INSL6: variants seen among roughly 807,000 people sequenced by gnomAD.
The protein encoded by INSL6 is insulin like 6.
A neutral mutation model predicts 9.4 loss-of-function variants in INSL6; 16 were observed. That is an observed-to-expected ratio of 1.70 (90% CI 1.15 to 2.59). The LOEUF (loss-of-function observed/expected upper bound fraction) is 2.59. INSL6 is among the 30% of genes most tolerant of loss of function. The pLI is 0.00. For synonymous variants in INSL6, 154 were observed against 96.9 expected, an observed-to-expected ratio of 1.59 and a Z score of -3.46; for missense variants, 391 against 257.3, an observed-to-expected ratio of 1.52 and a Z score of -3.56.
the INSL6 span, among the ~76,000 whole-genome samples, chr9:5,033,042 A>C: frequency 6.6e-6 from 1 of 152,242 alleles, no homozygotes; most frequent in South Asian, 2.1e-4. Context: ...AATGCAGAGA[A>C]GTCCTTAAAG....
chr9:5,138,091 G>T (rs1824421496), intron 2 of INSL6, among the ~76,000 whole-genome samples: 3 of 152,180 alleles, frequency 2.0e-5, no homozygotes, highest in African/African-American at 2.4e-5. Context: ...AACAGATGCT[G>T]GAGAGGATGT....
chr9:5,029,878 A>G, the INSL6 span: 19 of 1,612,670 alleles, frequency 1.2e-5, no homozygotes, highest in Non-Finnish European at 1.4e-5. Flanking sequence ...AGATGAGTCA[A>G]CCAGGCATAA....
chr9:5,013,253 A>G, the INSL6 span, among the ~76,000 whole-genome samples: 2 of 152,222 alleles, frequency 1.3e-5, no homozygotes, highest in Non-Finnish European at 2.9e-5. Flanking sequence ...TTAGAGTACA[A>G]TACAAAATTC....
chr9:5,042,671 G>T, the INSL6 span, among the ~76,000 whole-genome samples: 1 of 152,164 alleles, frequency 6.6e-6, no homozygotes, highest in African/African-American at 2.4e-5. Context: ...CGTTTTCTCA[G>T]TGGGAGGGCA....
At position 5,149,460 on chromosome 9, in the gene INSL6, C is replaced by G. The variant is rs147696118; in HGVS notation, c.376+14719G>C. Among the ~76,000 whole-genome samples, 23 of 152,220 alleles carry G rather than the reference C, an allele frequency of 1.5e-4. 1 individual carries two copies. The East Asian group carries it at 4.3e-3, about 28-fold the overall frequency. On this transcript the variant is annotated intron_variant, in intron 2 of 3. Coordinates refer to the INSL6 transcript ENST00000649639. ...TTTCTATACACCAATAATGATCAAG[C>G]TGAAAACCAAATCAAGAAGGCAATC... is the stretch of plus-strand genomic sequence containing the variant.
At chr9:5,106,391 G>T in the INSL6 span, among the ~76,000 whole-genome samples, 11 of 152,186 alleles carry the variant, frequency 7.2e-5, 1 homozygote, top group Non-Finnish European at 1.0e-4. Context: ...AAAAAGACAG[G>T]AAACAACAGA....
chr9:5,133,853 A>G (rs1824337387), intron 2 of INSL6, among the ~76,000 whole-genome samples: 1 of 151,994 alleles, frequency 6.6e-6, no homozygotes, highest in South Asian at 2.1e-4. Flanking sequence ...AGGTTGATGA[A>G]TTGACAGAAG....
chr9:5,021,650 A>T, the INSL6 span, among the ~76,000 whole-genome samples: 1,295 of 152,292 alleles, frequency 8.5e-3, 17 homozygotes, highest in African/African-American at 0.03. Flanking sequence ...TTTTTGAGAC[A>T]GGGTCTTGCT....
chr9:5,006,775 A>T, the INSL6 span, among the ~76,000 whole-genome samples: 5 of 152,328 alleles, frequency 3.3e-5, no homozygotes, highest in East Asian at 9.6e-4. Context: ...TCTAACACTG[A>T]AGATCATAAT....
At chr9:5,115,561 G>C in the INSL6 span, among the ~76,000 whole-genome samples, 4 of 152,284 alleles carry the variant, frequency 2.6e-5, no homozygotes, top group East Asian at 7.7e-4. Flanking sequence ...CCATTACTGG[G>C]TATATACCCA....
At chr9:5,123,985 G>T (rs1435178967) in exon 4 of INSL6, among the ~76,000 whole-genome samples, 1 of 150,098 alleles carries the variant, frequency 6.7e-6, no homozygotes, top group Non-Finnish European at 1.5e-5. Context: ...TTTTTCATAT[G>T]CCTCTTGTCA....
the INSL6 span, among the ~76,000 whole-genome samples, chr9:5,106,805 A>G: frequency 6.6e-6 from 1 of 152,162 alleles, no homozygotes; most frequent in Non-Finnish European, 1.5e-5. Context: ...AAGGACAGAA[A>G]AGCAAACACT....
chr9:5,149,097 A>T (rs1824660507), intron 2 of INSL6, among the ~76,000 whole-genome samples: 1 of 152,014 alleles, frequency 6.6e-6, no homozygotes, highest in African/African-American at 2.4e-5. Context: ...GCTTGCTTTA[A>T]CTCCATCTCT....
chr9:5,121,801 T>C (rs1823634251), downstream of INSL6, among the ~76,000 whole-genome samples: 2 of 152,060 alleles, frequency 1.3e-5, no homozygotes, highest in African/African-American at 4.8e-5. Flanking sequence ...TACCCTTACA[T>C]AAGTGATAGA....
the INSL6 span, among the ~76,000 whole-genome samples, chr9:5,048,024 ATAGTT>A: frequency 6.6e-6 from 1 of 152,108 alleles, no homozygotes; most frequent in African/African-American, 2.4e-5. Flanking sequence ...TCTCTAGTGA[ATAGTT>A]TATTATGTTT....
the INSL6 span, among the ~76,000 whole-genome samples, chr9:5,113,191 CTTTTTTTTTT>C: frequency 3.5e-4 from 20 of 57,190 alleles, no homozygotes; most frequent in South Asian, 4.9e-3. Flanking sequence ...CTGGCAGGAG[CTTTTTTTTTT>C]TTTTTTTTTT....
the INSL6 span, chr9:5,096,886 T>C: frequency 1.3e-5 from 2 of 152,276 alleles, no homozygotes; most frequent in East Asian, 3.9e-4. Flanking sequence ...ATATCAATTA[T>C]AATTGGGGGT....
chr9:5,164,461 G>A (rs1156993934), intron 1 of INSL6, among the ~76,000 whole-genome samples, 196 bp from the exon 2 acceptor site: 1 of 152,162 alleles, frequency 6.6e-6, no homozygotes. Context: ...AAGGCTGTAC[G>A]CCTTTGTACA....
At chr9:5,083,615 T>G in the INSL6 span, among the ~76,000 whole-genome samples, 828 of 152,298 alleles carry the variant, frequency 5.4e-3, 8 homozygotes, top group African/African-American at 0.019. Context: ...AAAAGTTCCT[T>G]TAGATCCCAA....
Sources: gnomAD v4.1 joint callset for allele counts (sites outside exome capture counted in the v4.1 genomes callset) on GRCh38, gnomAD v4.1.1 for gene constraint, MANE v1.5 for transcripts, NCBI Gene and HGNC (gene_info 2026-07-23, HGNC 2026-07-21) for gene names.